The following DROSHA variants were observed in gnomAD, a reference collection of about 807,000 sequenced individuals.
DROSHA encodes the protein drosha ribonuclease III, also known as ribonuclease 3.
A neutral mutation model predicts 181.9 loss-of-function variants in DROSHA; 56 were observed. The ratio of observed to expected loss-of-function variants is 0.31; its 90% CI spans 0.25 to 0.38. DROSHA has a LOEUF of 0.38. Ranked by LOEUF, DROSHA falls within the 10% of genes least tolerant of loss-of-function variation. The pLI, the probability that DROSHA is intolerant of heterozygous loss-of-function variation, is 1.00. For synonymous variants in DROSHA, 524 were observed against 591.2 expected, an observed-to-expected ratio of 0.89 and a Z score of 1.65; for missense variants, 1,218 against 1,743.5, an observed-to-expected ratio of 0.70 and a Z score of 5.37.
At chr5:31,477,674 G>A (rs1233798373) in intron 16 of DROSHA, among the ~76,000 whole-genome samples, 5 of 152,278 alleles carry the variant, frequency 3.3e-5, no homozygotes, top group Middle Eastern at 3.4e-3. Context: ...CTTTACTAGG[G>A]CAGTAATATA....
chr5:31,449,351 TA>T lies in DROSHA; in HGVS notation c.2750del (p.Leu917TyrfsTer29). The T allele has an allele frequency of 1.2e-6, 2 of 1,612,462 alleles. No individual in the cohort carries two copies. The highest frequency in any genetic ancestry group is 1.7e-6 in the Non-Finnish European group (2 of 1,179,210). Reference protein sequence around the residue: ...GMNPDHARNSLSNCGIRQPKY... With the variant: ...GMNPDHARNSXSNCGIRQPKY... ...TGGGCTGCCGAATTCCACAGTTAGATAATGAATTCCTGGCATGATCAGGATT... is the reference window on the plus strand; with the variant it reads ...TGGGCTGCCGAATTCCACAGTTAGATATGAATTCCTGGCATGATCAGGATT... On this transcript the variant is annotated frameshift_variant, in exon 22 of 36. Transcript: ENST00000344624. LOFTEE classifies it high-confidence loss of function.
intron 6 of DROSHA, among the ~76,000 whole-genome samples, chr5:31,518,688 GGC>G (rs1739535716): frequency 1.3e-5 from 2 of 152,124 alleles, no homozygotes. Context: ...AAGCCTAGGA[GGC>G]AGATATTAAC....
At chr5:31,451,461 A>G in intron 21 of DROSHA, 72 bp downstream of exon 21, 1 of 1,259,204 alleles carries the variant, frequency 7.9e-7, no homozygotes, top group South Asian at 1.3e-5. Flanking sequence ...AACCCAATGT[A>G]CCATTTGTGA....
In DROSHA at chr5:31,434,950, C is replaced by T. The variant is rs373185703; in HGVS notation, c.3042+815G>A. On this transcript the variant is annotated intron_variant, in intron 25 of 35. Coordinates refer to ENST00000344624, the MANE Select transcript of DROSHA (RefSeq NM_001382508.1). ...GTAATTACTATAAACAAGTATTATG[C>T]GTAGCACTTTATAAATGACATCATT... 2.0e-4 allele frequency among the ~76,000 whole-genome samples: 30 copies of T among 152,290 alleles called. No individual in the cohort carries two copies. In the East Asian group the frequency reaches 4.2e-3, roughly 22 times the overall value.
chr5:31,444,952 T>A (rs1460812091), intron 23 of DROSHA, among the ~76,000 whole-genome samples: 1 of 152,236 alleles, frequency 6.6e-6, no homozygotes, highest in Non-Finnish European at 1.5e-5. Context: ...TTTAAAAACC[T>A]GATATATGAA....
chr5:31,496,254 A>G (rs913298277), intron 11 of DROSHA, among the ~76,000 whole-genome samples: 11 of 152,106 alleles, frequency 7.2e-5, no homozygotes, highest in African/African-American at 2.7e-4. Context: ...CTGGGCAACA[A>G]GGCAAAACCC....
intron 33 of DROSHA, among the ~76,000 whole-genome samples, chr5:31,407,481 T>G (rs941597967): frequency 3.3e-5 from 5 of 152,194 alleles, no homozygotes; most frequent in African/African-American, 1.2e-4. Context: ...TACGCTATAA[T>G]GCCAAGTACA....
At chr5:31,410,916 G>A (rs1476019905) in intron 30 of DROSHA, 29 bp from the exon 31 acceptor site, 1 of 1,612,760 alleles carries the variant, frequency 6.2e-7, no homozygotes, top group Non-Finnish European at 8.5e-7. Context: ...GGTACATTGA[G>A]AACACATTTC....
At chr5:31,469,995 T>A (rs1408659499) in intron 17 of DROSHA, among the ~76,000 whole-genome samples, 4 of 152,240 alleles carry the variant, frequency 2.6e-5, no homozygotes, top group Non-Finnish European at 5.9e-5. Context: ...TAGTGTGGTG[T>A]CTACCTTGTC....
At chr5:31,452,512 G>A (rs516001) in intron 20 of DROSHA, among the ~76,000 whole-genome samples, 1 of 151,914 alleles carries the variant, frequency 6.6e-6, no homozygotes, top group East Asian at 1.9e-4. Context: ...ATACTATTTC[G>A]CAAGAACACA....
chr5:31,506,252 C>T (rs1214484451), intron 10 of DROSHA, among the ~76,000 whole-genome samples: 1 of 151,938 alleles, frequency 6.6e-6, no homozygotes. Context: ...ATCCCAGCTA[C>T]TCATGAGGCT....
intron 16 of DROSHA, among the ~76,000 whole-genome samples, chr5:31,483,289 T>A (rs1751253900): frequency 6.6e-6 from 1 of 152,218 alleles, no homozygotes; most frequent in African/African-American, 2.4e-5. Flanking sequence ...TTTCTCCACA[T>A]TAACACACCC....
In DROSHA at chr5:31,484,379, T is replaced by C. The variant is rs1375732750; in HGVS notation, c.1996+502A>G. Among the ~76,000 whole-genome samples the C allele has an allele frequency of 1.5e-4, 3 of 20,458 alleles. No homozygotes were observed. The East Asian group carries it at 8.6e-3, about 58-fold the overall frequency. The allele number at this position is 20,458 out of a possible 152,430, so 13.4% of individuals were successfully genotyped here. On this transcript the variant is annotated intron_variant, in intron 15 of 35. Transcript: ENST00000344624. ...CTGGGCGACAGAGCGAGACTCCGTCTCAAAAAAAAAAAAAAAAAAAAAAAA... is the reference window on the plus strand; with the variant it reads ...CTGGGCGACAGAGCGAGACTCCGTCCCAAAAAAAAAAAAAAAAAAAAAAAA...
intron 11 of DROSHA, among the ~76,000 whole-genome samples, chr5:31,498,416 G>A (rs1753235591): frequency 6.6e-6 from 1 of 152,056 alleles, no homozygotes; most frequent in African/African-American, 2.4e-5. Flanking sequence ...AAAAAAAGTG[G>A]GGAAATTAAT....
intron 11 of DROSHA, among the ~76,000 whole-genome samples, chr5:31,498,215 G>A (rs1309503955): frequency 6.6e-6 from 1 of 152,138 alleles, no homozygotes; most frequent in Non-Finnish European, 1.5e-5. Context: ...TCAGCCCTGT[G>A]AGACACCTGA....
chr5:31,504,592 C>G lies in DROSHA; in HGVS notation c.1631G>C (p.Arg544Pro), dbSNP rs1032572786. 1.2e-6 allele frequency: 2 copies of G among 1,613,922 alleles called. No homozygotes were observed. The stretch of plus-strand genomic sequence containing the variant: ...ATAAATGCTGTGCCTAATTCCTGTG[C>G]GTCTTGCCTTTGCGCTGCATTTGCA... The part of the protein sequence containing the change: ...PLCKCSAKAR[R>P]TGIRHSIYPG... Residue 544 changes from arginine (R) to proline (P), a missense_variant, in exon 11 of 36, where the codon CGC (arginine) becomes CCC (proline). Around this residue, in one of 8 missense-constraint regions of DROSHA, gnomAD observed 460 missense variants for 774.2 expected, o/e 0.59. Coordinates refer to ENST00000344624, the MANE Select transcript of DROSHA (RefSeq NM_001382508.1).
At chr5:31,410,167 T>TA (rs1030311536) in intron 31 of DROSHA, among the ~76,000 whole-genome samples, 9 of 151,364 alleles carry the variant, frequency 5.9e-5, no homozygotes, top group Non-Finnish European at 1.0e-4. Context: ...ACCGTAACAT[T>TA]AAAAAAAAAG....
chr5:31,410,988 G>T, intron 30 of DROSHA, 101 bp from the exon 31 acceptor site: 1 of 1,520,780 alleles, frequency 6.6e-7, no homozygotes. Context: ...TCACTGACAG[G>T]GACACCAAAA....
intron 12 of DROSHA, among the ~76,000 whole-genome samples, chr5:31,494,720 C>A (rs1315864815): frequency 6.6e-6 from 1 of 152,084 alleles, no homozygotes; most frequent in African/African-American, 2.4e-5. Context: ...CAGTCTCACA[C>A]TGTCGCCCAG....
Sources: allele counts gnomAD v4.1 joint callset (sites outside exome capture counted in the v4.1 genomes callset), GRCh38; gene constraint gnomAD v4.1.1; regional missense constraint gnomAD v4.1.1; transcripts MANE v1.5; gene names NCBI Gene and HGNC (gene_info 2026-07-23, HGNC 2026-07-21).